RBFOX1: variants seen among roughly 807,000 people sequenced by gnomAD.
RBFOX1 encodes RNA binding fox-1 homolog 1.
In RBFOX1, 8 loss-of-function variants were observed where a neutral mutation model predicts 57.7. The observed-to-expected ratio is 0.14, with a 90% CI of 0.08 to 0.25. The LOEUF (loss-of-function observed/expected upper bound fraction) is 0.25. RBFOX1 is among the 10% of genes least tolerant of loss of function. The pLI is 1.00. For synonymous variants in RBFOX1, 326 were observed against 222.4 expected, an observed-to-expected ratio of 1.47 and a Z score of -4.15; for missense variants, 611 against 548.5, an observed-to-expected ratio of 1.11 and a Z score of -1.14.
At chr16:6,020,297 C>T (rs1009551140) in intron 1 of RBFOX1, among the ~76,000 whole-genome samples, 4 of 152,064 alleles carry the variant, frequency 2.6e-5, no homozygotes, top group African/African-American at 4.8e-5. Flanking sequence ...GGAGCGAGTC[C>T]TAGGTGCCAG....
intron 3 of RBFOX1, among the ~76,000 whole-genome samples, chr16:6,663,832 G>C (rs950371238): frequency 2.6e-5 from 4 of 152,224 alleles, no homozygotes; most frequent in Admixed American, 2.6e-4. Flanking sequence ...TCCTGGGCCA[G>C]GTGCAGAGGA....
At chr16:6,790,169 C>CTATTATTATCAT in intron 3 of RBFOX1, among the ~76,000 whole-genome samples, 1 of 141,536 alleles carries the variant, frequency 7.1e-6, no homozygotes, top group African/African-American at 2.6e-5. Context: ...TTATTTTATT[C>CTATTATTATCAT]TATTATTATT....
intron 4 of RBFOX1, among the ~76,000 whole-genome samples, chr16:7,393,096 A>C (rs1177472190): frequency 1.3e-5 from 2 of 151,924 alleles, no homozygotes; most frequent in Non-Finnish European, 2.9e-5. Flanking sequence ...CTGGTCTGGA[A>C]CTCCTGACCT....
chr16:6,933,357 A>C (rs916414600), intron 3 of RBFOX1, among the ~76,000 whole-genome samples: 1 of 152,218 alleles, frequency 6.6e-6, no homozygotes, highest in African/African-American at 2.4e-5. Flanking sequence ...TTCCGTCAGC[A>C]GTGCACAAGG....
chr16:5,520,400 TAG>T (rs908029058), intron 2 of RBFOX1, among the ~76,000 whole-genome samples: 2 of 152,218 alleles, frequency 1.3e-5, no homozygotes, highest in African/African-American at 4.8e-5. Flanking sequence ...CTGACTCATT[TAG>T]ATGGCTAACT....
chr16:7,091,646 T>G (rs1373445379), intron 4 of RBFOX1, among the ~76,000 whole-genome samples: 1 of 152,200 alleles, frequency 6.6e-6, no homozygotes, highest in Non-Finnish European at 1.5e-5. Flanking sequence ...GCTCCAGTTC[T>G]CAGCCTGCTG....
intron 1 of RBFOX1, among the ~76,000 whole-genome samples, chr16:5,304,430 T>C (rs184750656): frequency 2.6e-5 from 4 of 152,316 alleles, no homozygotes; most frequent in East Asian, 1.9e-4. Flanking sequence ...TTGAACCTGA[T>C]TGGGGCAACT....
chr16:5,863,392 C>T (rs1216135477), intron 3 of RBFOX1, among the ~76,000 whole-genome samples: 1 of 152,198 alleles, frequency 6.6e-6, no homozygotes, highest in Non-Finnish European at 1.5e-5. Flanking sequence ...CCACTGCAGA[C>T]ACTCTGATGA....
intron 3 of RBFOX1, among the ~76,000 whole-genome samples, chr16:5,627,780 T>G (rs2048387713): frequency 6.6e-6 from 1 of 152,238 alleles, no homozygotes; most frequent in Non-Finnish European, 1.5e-5. Flanking sequence ...ATATTATAAG[T>G]AATCAAAGAT....
At chr16:6,749,191 C>G (rs1603518091) in intron 3 of RBFOX1, among the ~76,000 whole-genome samples, 2 of 152,168 alleles carry the variant, frequency 1.3e-5, no homozygotes, top group East Asian at 1.9e-4. Flanking sequence ...AGTTTGGATC[C>G]TGCTCTGCTG....
chr16:7,576,981 C>T (rs1349070993), intron 5 of RBFOX1, among the ~76,000 whole-genome samples: 1 of 152,154 alleles, frequency 6.6e-6, no homozygotes, highest in East Asian at 1.9e-4. Context: ...GATTCGAGCT[C>T]ATTTCTGTGT....
At chr16:5,793,863 C>T (rs898200930) in intron 3 of RBFOX1, among the ~76,000 whole-genome samples, 2 of 152,218 alleles carry the variant, frequency 1.3e-5, no homozygotes, top group African/African-American at 4.8e-5. Context: ...TACTGGGAGA[C>T]TGGAATCCAG....
At chr16:6,984,042 G>C (rs577065738) in intron 3 of RBFOX1, among the ~76,000 whole-genome samples, 4 of 152,282 alleles carry the variant, frequency 2.6e-5, no homozygotes, top group Admixed American at 2.6e-4. Context: ...GAGGTCAGGA[G>C]TTCAAGACCT....
At chr16:6,189,499 A>G (rs1004548351) in intron 1 of RBFOX1, among the ~76,000 whole-genome samples, 4 of 152,218 alleles carry the variant, frequency 2.6e-5, no homozygotes, top group East Asian at 1.9e-4. Context: ...GGTTAAATGC[A>G]TTGGTTAGCT....
chr16:6,769,083 A>C (rs1369604291), intron 3 of RBFOX1, among the ~76,000 whole-genome samples: 2 of 152,158 alleles, frequency 1.3e-5, no homozygotes, highest in Admixed American at 6.6e-5. Context: ...TCCCCACCCA[A>C]ATCTCATCTT....
intron 4 of RBFOX1, among the ~76,000 whole-genome samples, chr16:7,475,190 G>A (rs577868235): frequency 6.6e-6 from 1 of 152,222 alleles, no homozygotes; most frequent in South Asian, 2.1e-4. Context: ...TTGACTCATA[G>A]CAACTCGGGA....
intron 4 of RBFOX1, among the ~76,000 whole-genome samples, chr16:7,203,417 C>G (rs1040014119): frequency 3.3e-5 from 5 of 152,126 alleles, no homozygotes; most frequent in Non-Finnish European, 4.4e-5. Flanking sequence ...AATGGGTACA[C>G]AGTTTCAGTA....
Position 7,710,932 on chromosome 16 carries a change from T to C in RBFOX1, c.*187T>C. On this transcript the variant is annotated 3_prime_UTR_variant, in exon 16 of 16. Transcript: ENST00000550418. Reference sequence around the variant, plus strand: ...TATTTTGTTCTGTGTATTTTAATATTGTGGGTCTTTAATTTCTGAAGGTTC... The same window carrying C: ...TATTTTGTTCTGTGTATTTTAATATCGTGGGTCTTTAATTTCTGAAGGTTC... 2 of 695,544 alleles carry C rather than the reference T, an allele frequency of 2.9e-6. No homozygotes were observed. The highest frequency in any genetic ancestry group is 3.4e-5 in the East Asian group (1 of 29,194). 43.1% of individuals were successfully genotyped at this position (695,544 alleles called of 1,614,324 possible).
At chr16:6,637,573 G>A (rs28629426) in intron 2 of RBFOX1, among the ~76,000 whole-genome samples, 3,317 of 134,094 alleles carry the variant, frequency 0.025, 209 homozygotes, top group African/African-American at 0.089. Context: ...ATTCTATATA[G>A]TATATATATA....
Sources: gnomAD v4.1 joint callset for allele counts (sites outside exome capture counted in the v4.1 genomes callset) on GRCh38, gnomAD v4.1.1 for gene constraint, MANE v1.5 for transcripts, NCBI Gene and HGNC (gene_info 2026-07-23, HGNC 2026-07-21) for gene names.